GRM5: variants seen among roughly 807,000 people sequenced by gnomAD.
The protein encoded by GRM5 is metabotropic glutamate receptor 5.
A neutral mutation model predicts 83.1 loss-of-function variants in GRM5; 19 were observed. The ratio of observed to expected loss-of-function variants is 0.23; its 90% CI spans 0.16 to 0.34. The LOEUF (loss-of-function observed/expected upper bound fraction) is 0.34. GRM5 is among the 10% of genes least tolerant of loss of function. The pLI, the probability that GRM5 is intolerant of heterozygous loss-of-function variation, is 1.00. For synonymous variants in GRM5, 675 were observed against 633.6 expected, an observed-to-expected ratio of 1.07 and a Z score of -0.98; for missense variants, 1,160 against 1,588.3, an observed-to-expected ratio of 0.73 and a Z score of 4.58.
chr11:88,935,989 G>A (rs1200015623), intron 2 of GRM5, among the ~76,000 whole-genome samples: 1 of 151,846 alleles, frequency 6.6e-6, no homozygotes, highest in Non-Finnish European at 1.5e-5. Flanking sequence ...CTATTTTAAT[G>A]CTTTTGTCAC....
intron 3 of GRM5, among the ~76,000 whole-genome samples, chr11:88,676,911 G>A (rs1940344220): frequency 6.6e-6 from 1 of 151,930 alleles, no homozygotes; most frequent in African/African-American, 2.4e-5. Flanking sequence ...AAATAACTCG[G>A]TAATTCATCT....
At chr11:88,546,218 T>C (rs1267784434) in intron 8 of GRM5, among the ~76,000 whole-genome samples, 1 of 152,084 alleles carries the variant, frequency 6.6e-6, no homozygotes, top group African/African-American at 2.4e-5. Flanking sequence ...TCAATTTCAC[T>C]GTAATACCTC....
chr11:88,919,639 A>C (rs1334674662), intron 2 of GRM5, among the ~76,000 whole-genome samples: 2 of 151,984 alleles, frequency 1.3e-5, no homozygotes, highest in African/African-American at 4.8e-5. Context: ...AGGATAGACT[A>C]TATGTTAGGC....
intron 2 of GRM5, among the ~76,000 whole-genome samples, chr11:88,911,694 G>C (rs1484128156): frequency 6.6e-6 from 1 of 152,116 alleles, no homozygotes; most frequent in Non-Finnish European, 1.5e-5. Context: ...TTCGTAAATT[G>C]AGCAAGTTGA....
At chr11:88,859,075 ACT>A (rs1944520326) in intron 2 of GRM5, among the ~76,000 whole-genome samples, 1 of 152,046 alleles carries the variant, frequency 6.6e-6, no homozygotes, top group Admixed American at 6.6e-5. Flanking sequence ...CTGTTTTTAC[ACT>A]CTTTTTTTTA....
intron 3 of GRM5, among the ~76,000 whole-genome samples, chr11:88,699,819 A>C (rs763980388): frequency 1.3e-5 from 2 of 152,142 alleles, no homozygotes; most frequent in Admixed American, 6.5e-5. Flanking sequence ...TTTCTCCCAG[A>C]GCTGACACCT....
intron 7 of GRM5, among the ~76,000 whole-genome samples, chr11:88,587,775 G>A (rs2135202844): frequency 6.6e-6 from 1 of 152,242 alleles, no homozygotes; most frequent in Non-Finnish European, 1.5e-5. Context: ...GAATAGCTGA[G>A]TTCTCCCCAG....
chr11:88,737,333 T>C (rs1194628027), intron 3 of GRM5, among the ~76,000 whole-genome samples: 1 of 152,082 alleles, frequency 6.6e-6, no homozygotes, highest in Non-Finnish European at 1.5e-5. Flanking sequence ...ACAGCTATGT[T>C]GAAGTCAAGA....
intron 2 of GRM5, among the ~76,000 whole-genome samples, chr11:89,007,205 C>A (rs1485610536): frequency 2.0e-5 from 3 of 152,208 alleles, no homozygotes; most frequent in Non-Finnish European, 4.4e-5. Context: ...TACTTTTTAG[C>A]ACACAACAAA....
chr11:88,879,814 T>C (rs1474475438), intron 2 of GRM5, among the ~76,000 whole-genome samples: 32 of 152,094 alleles, frequency 2.1e-4, no homozygotes, highest in Admixed American at 1.8e-3. Flanking sequence ...TCTCAGCAGA[T>C]TGCCTATAGA....
At chr11:88,533,632 T>C (rs752392740) in intron 8 of GRM5, among the ~76,000 whole-genome samples, 8 of 152,168 alleles carry the variant, frequency 5.3e-5, no homozygotes, top group Non-Finnish European at 1.0e-4. Context: ...CCAGTGCCTA[T>C]GATAGTATAG....
chr11:88,893,585 T>G (rs1436537771), intron 2 of GRM5, among the ~76,000 whole-genome samples: 1 of 152,212 alleles, frequency 6.6e-6, no homozygotes, highest in Non-Finnish European at 1.5e-5. Context: ...CAATACCACT[T>G]ATTCAAAAAA....
At chr11:88,720,414 G>A (rs910591415) in intron 3 of GRM5, among the ~76,000 whole-genome samples, 4 of 152,124 alleles carry the variant, frequency 2.6e-5, no homozygotes, top group Admixed American at 1.3e-4. Context: ...AATCTGCTAA[G>A]AGGCCACTCT....
At chr11:88,764,933 G>T (rs1942599205) in intron 3 of GRM5, among the ~76,000 whole-genome samples, 1 of 151,272 alleles carries the variant, frequency 6.6e-6, no homozygotes, top group South Asian at 2.1e-4. Flanking sequence ...TTTTTCAAAA[G>T]ATCAACAAAA....
chr11:88,702,494 C>T (rs956776611), intron 3 of GRM5, among the ~76,000 whole-genome samples: 1 of 152,038 alleles, frequency 6.6e-6, no homozygotes, highest in African/African-American at 2.4e-5. Context: ...AATTCAGCTA[C>T]TCCTAAATGT....
chr11:88,735,973 T>A (rs937692174), intron 3 of GRM5, among the ~76,000 whole-genome samples: 1 of 152,090 alleles, frequency 6.6e-6, no homozygotes, highest in African/African-American at 2.4e-5. Context: ...ACATTTCCTT[T>A]TATGATTGTT....
chr11:88,516,028 G>A (rs1941510809), intron 9 of GRM5, among the ~76,000 whole-genome samples: 1 of 149,986 alleles, frequency 6.7e-6, no homozygotes, highest in South Asian at 2.2e-4. Flanking sequence ...GGATTTATCA[G>A]ATAGTTTTTT....
intron 2 of GRM5, among the ~76,000 whole-genome samples, chr11:88,937,704 T>C (rs1336803944): frequency 6.6e-6 from 1 of 151,544 alleles, no homozygotes; most frequent in Non-Finnish European, 1.5e-5. Flanking sequence ...GGATCTTTTA[T>C]TTTATAGACA....
At chr11:88,991,966 G>A (rs1939992502) in intron 2 of GRM5, among the ~76,000 whole-genome samples, 1 of 152,126 alleles carries the variant, frequency 6.6e-6, no homozygotes, top group African/African-American at 2.4e-5. Context: ...AGGACTTCAT[G>A]TCTAAAACAC....
Sources: gnomAD v4.1 joint callset for allele counts (sites outside exome capture counted in the v4.1 genomes callset) on GRCh38, gnomAD v4.1.1 for gene constraint, MANE v1.5 for transcripts, NCBI Gene and HGNC (gene_info 2026-07-23, HGNC 2026-07-21) for gene names.